Variants in APMAP observed in about 807,000 individuals in gnomAD.
The protein encoded by APMAP is adipocyte plasma membrane associated protein, also known as adipocyte plasma membrane-associated protein.
APMAP carries 33 observed loss-of-function variants against 43.6 expected under a neutral mutation model. The observed-to-expected ratio is 0.76, with a 90% CI of 0.57 to 1.01. APMAP has a LOEUF of 1.01. Ranked by LOEUF, APMAP falls within the 50% of genes least tolerant of loss-of-function variation. The probability of loss-of-function intolerance (pLI) is 0.00; values close to 1 mark genes in which losing one functional copy is unlikely to be tolerated. For missense variants in APMAP, 498 were observed against 540.7 expected, an observed-to-expected ratio of 0.92 and a Z score of 0.78; for synonymous variants, 224 against 216.7, an observed-to-expected ratio of 1.03 and a Z score of -0.30.
chr20:24,979,285 A>G (rs989769927), intron 2 of APMAP, among the ~76,000 whole-genome samples: 1 of 152,118 alleles, frequency 6.6e-6, no homozygotes, highest in Non-Finnish European at 1.5e-5. Flanking sequence ...TTCACACCTG[A>G]TGACCCGGCC....
At chr20:24,967,429 C>T (rs2087954735) in intron 8 of APMAP, among the ~76,000 whole-genome samples, 1 of 152,242 alleles carries the variant, frequency 6.6e-6, no homozygotes, top group Admixed American at 6.5e-5. Flanking sequence ...CTCCATGTTC[C>T]CTCATGCTTG....
chr20:24,973,667 G>T lies in APMAP; in HGVS notation c.399C>A (p.Ala133=). 1 of 1,614,074 alleles carries T rather than the reference G, an allele frequency of 6.2e-7. No individual in the cohort carries two copies. Among genetic ancestry groups the T allele is most frequent in the Non-Finnish European group, 8.5e-7 (1 of 1,179,946 alleles). ...TACTGCAAGGGCCCGAACCAAACCG[G>T]GCAATGGTCTCTATTTCACCATTTT... ...KLENGEIETI[A]RFGSGPCKTR... is the part of the protein sequence containing the mutation. Residue 133 remains alanine, a synonymous_variant, in exon 4 of 9, where the codon GCC becomes GCA. Transcript: ENST00000217456.
intron 4 of APMAP, among the ~76,000 whole-genome samples, chr20:24,973,348 C>T (rs2088021553): frequency 2.0e-5 from 3 of 152,264 alleles, no homozygotes; most frequent in Admixed American, 6.5e-5. Flanking sequence ...TGAAGTACCG[C>T]AAAGGTAAAC....
chr20:24,972,186 G>A (rs2088009686), intron 4 of APMAP, among the ~76,000 whole-genome samples: 1 of 148,286 alleles, frequency 6.7e-6, no homozygotes, highest in South Asian at 2.2e-4. Flanking sequence ...GGTGCTTATT[G>A]CAGGGTGTTC....
chr20:24,980,107 G>C (rs111901385), intron 2 of APMAP, among the ~76,000 whole-genome samples: 1 of 152,204 alleles, frequency 6.6e-6, no homozygotes, highest in African/African-American at 2.4e-5. Context: ...CGCTCCATGA[G>C]ATCAGGGATT....
Position 24,963,399 on chromosome 20 carries a change from T to C in APMAP, c.*414A>G, listed in dbSNP as rs192410242. On this transcript the variant is annotated 3_prime_UTR_variant, in exon 9 of 9. Transcript: ENST00000217456. ...CGAAGAAAGGTATGACCGCACGTTATATATAGTAAAGAAGAACTTTGAGGC... is the reference window on the plus strand; with the variant it reads ...CGAAGAAAGGTATGACCGCACGTTACATATAGTAAAGAAGAACTTTGAGGC... The C allele has an allele frequency of 1.8e-4, 36 of 203,026 alleles. No homozygotes were observed. The highest frequency in any genetic ancestry group is 3.0e-4 in the Non-Finnish European group (29 of 97,800). The allele number at this position is 203,026 out of a possible 1,614,324, so 12.6% of individuals were successfully genotyped here.
chr20:24,963,752 G>C lies in APMAP; in HGVS notation c.*61C>G. 1 of 1,535,532 alleles carries C rather than the reference G, an allele frequency of 6.5e-7. No individual in the cohort carries two copies. The highest frequency in any genetic ancestry group is 2.3e-5 in the East Asian group (1 of 44,258). On this transcript the variant is annotated 3_prime_UTR_variant, in exon 9 of 9. Transcript: ENST00000217456. ...TGTGTCCACAGCTCCTCCTGGACCA[G>C]GCCTGGTGCCTGAGTGTGAAGACTC...
At chr20:24,978,743 C>CCT (rs759755046) in intron 3 of APMAP, 24 bp downstream of exon 3, 1 of 1,269,464 alleles carries the variant, frequency 7.9e-7, no homozygotes, top group Non-Finnish European at 1.1e-6. Flanking sequence ...GGAAGGCTCC[C>CCT]CCCCCACCCA....
intron 1 of APMAP, among the ~76,000 whole-genome samples, chr20:24,992,334 G>A (rs1046543030): frequency 1.3e-5 from 2 of 152,220 alleles, no homozygotes; most frequent in Non-Finnish European, 2.9e-5. Flanking sequence ...AGGCGGTCTC[G>A]GGTCCGGAGA....
chr20:24,991,135 G>A (rs183944291), intron 1 of APMAP, among the ~76,000 whole-genome samples: 5 of 152,286 alleles, frequency 3.3e-5, no homozygotes, highest in Admixed American at 2.0e-4. Context: ...CTACCTAACC[G>A]GTGCCCTCAG....
rs1489038496 is a variant in APMAP, at chr20:24,963,499, T to C, written c.*314A>G. 4 of 361,716 alleles carry C rather than the reference T, an allele frequency of 1.1e-5. No homozygotes were observed. The highest frequency in any genetic ancestry group is 4.4e-5 in the Admixed American group (1 of 22,884). 22.4% of individuals were successfully genotyped at this position (361,716 alleles called of 1,614,324 possible). On this transcript the variant is annotated 3_prime_UTR_variant, in exon 9 of 9. Coordinates refer to ENST00000217456, the MANE Select transcript of APMAP (RefSeq NM_020531.3). ...CCACCCACCTGAGCCCTGTTCCAAGTGCAAGGAGCTTCCCAAATCCTAGAG... is the reference window on the plus strand; with the variant it reads ...CCACCCACCTGAGCCCTGTTCCAAGCGCAAGGAGCTTCCCAAATCCTAGAG...
chr20:24,982,825 CA>C (rs1240935623), intron 2 of APMAP, among the ~76,000 whole-genome samples: 1 of 149,046 alleles, frequency 6.7e-6, no homozygotes, highest in Non-Finnish European at 1.5e-5. Flanking sequence ...CTCAACACAT[CA>C]GGGGACCCCC....
intron 2 of APMAP, among the ~76,000 whole-genome samples, chr20:24,979,273 G>A (rs376238685): frequency 6.1e-4 from 93 of 152,260 alleles, no homozygotes; most frequent in South Asian, 4.4e-3. Context: ...CAGTGCCCAC[G>A]TTTCACACCT....
chr20:24,969,713 C>A, intron 6 of APMAP, 53 bp from the exon 7 acceptor site: 1 of 1,571,386 alleles, frequency 6.4e-7, no homozygotes, highest in South Asian at 1.2e-5. Flanking sequence ...GGCTCCCACT[C>A]TGGGCCTTCA....
Position 24,980,489 on chromosome 20 carries a change from C to T in APMAP, c.213-1607G>A, listed in dbSNP as rs115606445. 2.5e-3 allele frequency among the ~76,000 whole-genome samples: 356 copies of T among 145,090 alleles called. 1 individual carries two copies. Among genetic ancestry groups the T allele is most frequent in the African/African-American group, 9.0e-3 (349 of 38,916 alleles). On this transcript the variant is annotated intron_variant, in intron 2 of 8. Coordinates refer to ENST00000217456, the MANE Select transcript of APMAP (RefSeq NM_020531.3). ...GTCACCATAGTCAAGAGGCCATGCT[C>T]GGCCTCGGTCACCTCTACACGCTGG...
chr20:24,992,560 C>G, intron 1 of APMAP, 34 bp downstream of exon 1: 1 of 1,456,284 alleles, frequency 6.9e-7, no homozygotes, highest in South Asian at 1.3e-5. Flanking sequence ...CCTAGCGGCC[C>G]GGCTCCAGCG....
At position 24,989,640 on chromosome 20, in the gene APMAP, A is replaced by G. The variant is rs151136564; in HGVS notation, c.95+2954T>C. ...TGAGAAAATCAGATAGCATCAACCCATCTTTTTTAGTGACAGCATCTTGAA... is the reference window on the plus strand; with the variant it reads ...TGAGAAAATCAGATAGCATCAACCCGTCTTTTTTAGTGACAGCATCTTGAA... On this transcript the variant is annotated intron_variant, in intron 1 of 8. Coordinates refer to ENST00000217456, the MANE Select transcript of APMAP (RefSeq NM_020531.3). 4.6e-5 allele frequency among the ~76,000 whole-genome samples: 7 copies of G among 152,262 alleles called. No homozygotes were observed. In the East Asian group the frequency reaches 5.8e-4, roughly 13 times the overall value.
intron 4 of APMAP, among the ~76,000 whole-genome samples, chr20:24,972,111 G>A (rs1292139708): frequency 1.3e-5 from 2 of 149,100 alleles, no homozygotes; most frequent in Non-Finnish European, 3.0e-5. Context: ...ATTGCAGGGT[G>A]TTCACTGTGG....
Position 24,979,677 on chromosome 20 carries a change from A to AT in APMAP, c.213-796_213-795insA, listed in dbSNP as rs1384056749. Reference sequence around the variant, plus strand: ...CCCTTGACCCCTGTAGTCTATTCTCAATCCAGCAGCCATGCCGGATCATGA... The same window carrying AT: ...CCCTTGACCCCTGTAGTCTATTCTCATATCCAGCAGCCATGCCGGATCATGA... On this transcript the variant is annotated intron_variant, in intron 2 of 8. Transcript: ENST00000217456. Among the ~76,000 whole-genome samples the AT allele has an allele frequency of 2.7e-3, 410 of 152,126 alleles. 2 individuals are homozygous for AT. The highest frequency in any genetic ancestry group is 9.6e-3 in the African/African-American group (399 of 41,486).
Sources: gnomAD v4.1 joint callset for allele counts (sites outside exome capture counted in the v4.1 genomes callset) on GRCh38, gnomAD v4.1.1 for gene constraint, MANE v1.5 for transcripts, NCBI Gene and HGNC (gene_info 2026-07-23, HGNC 2026-07-21) for gene names.